MOB3B: variants seen among roughly 807,000 people sequenced by gnomAD.
The protein encoded by MOB3B is MOB kinase activator 3B.
MOB3B carries 7 observed loss-of-function variants against 18.7 expected under a neutral mutation model. The observed-to-expected ratio is 0.37, with a 90% confidence interval of 0.21 to 0.70. The LOEUF (loss-of-function observed/expected upper bound fraction) is 0.70, where lower values mean the gene tolerates loss of function less well. MOB3B is among the 30% of genes least tolerant of loss of function. The probability of loss-of-function intolerance (pLI) is 0.52; values close to 1 mark genes in which losing one functional copy is unlikely to be tolerated. For missense variants in MOB3B, 253 were observed against 281.3 expected, an observed-to-expected ratio of 0.90 and a Z score of 0.72; for synonymous variants, 111 against 99.9, an observed-to-expected ratio of 1.11 and a Z score of -0.66.
At chr9:27,390,041 A>T (rs1438700777) in intron 2 of MOB3B, among the ~76,000 whole-genome samples, 1 of 152,128 alleles carries the variant, frequency 6.6e-6, no homozygotes, top group Admixed American at 6.5e-5. Context: ...CCTAAATCAT[A>T]TTTCAATAGT....
At chr9:27,339,458 A>C (rs1266055681) in intron 3 of MOB3B, among the ~76,000 whole-genome samples, 3 of 152,224 alleles carry the variant, frequency 2.0e-5, no homozygotes, top group Non-Finnish European at 4.4e-5. Context: ...AAGATGGGGC[A>C]GTGATAAGAG....
At chr9:27,345,961 T>A (rs1821025952) in intron 3 of MOB3B, among the ~76,000 whole-genome samples, 1 of 152,124 alleles carries the variant, frequency 6.6e-6, no homozygotes, top group African/African-American at 2.4e-5. Context: ...CCTCAGCAAA[T>A]ACCATGCTAT....
intron 3 of MOB3B, among the ~76,000 whole-genome samples, chr9:27,347,491 G>A (rs891222364): frequency 1.3e-5 from 2 of 152,260 alleles, no homozygotes; most frequent in Non-Finnish European, 2.9e-5. Flanking sequence ...CACAGGTGAG[G>A]TGCCAGGCTT....
At chr9:27,505,961 C>G (rs181097388) in intron 1 of MOB3B, among the ~76,000 whole-genome samples, 104 of 152,338 alleles carry the variant, frequency 6.8e-4, no homozygotes, top group Non-Finnish European at 1.1e-3. Context: ...CACGCATGGG[C>G]TTTTACCTTT....
At chr9:27,396,081 A>T (rs1032179105) in intron 2 of MOB3B, among the ~76,000 whole-genome samples, 9 of 152,110 alleles carry the variant, frequency 5.9e-5, no homozygotes, top group Non-Finnish European at 1.3e-4. Flanking sequence ...GGCTCTAAAA[A>T]TGCTCAAGAA....
chr9:27,469,178 G>A (rs1819434527), intron 1 of MOB3B, among the ~76,000 whole-genome samples: 1 of 152,102 alleles, frequency 6.6e-6, no homozygotes, highest in Non-Finnish European at 1.5e-5. Flanking sequence ...ATGTTGCCCA[G>A]GCTGGTCTTG....
At chr9:27,452,226 A>T (rs984952350) in intron 2 of MOB3B, among the ~76,000 whole-genome samples, 2 of 152,190 alleles carry the variant, frequency 1.3e-5, no homozygotes, top group Non-Finnish European at 2.9e-5. Context: ...CCATCCATCC[A>T]TCCATCCAAT....
intron 2 of MOB3B, among the ~76,000 whole-genome samples, chr9:27,403,867 T>C (rs1821924394): frequency 6.6e-6 from 1 of 152,234 alleles, no homozygotes; most frequent in South Asian, 2.1e-4. Flanking sequence ...GCATACAATG[T>C]GTAATGATCA....
intron 2 of MOB3B, among the ~76,000 whole-genome samples, chr9:27,448,035 T>A (rs1348527006): frequency 6.6e-6 from 1 of 152,110 alleles, no homozygotes; most frequent in African/African-American, 2.4e-5. Flanking sequence ...GGTGGTTTTG[T>A]CTCAAGGCAT....
chr9:27,420,419 T>C (rs191928259), intron 2 of MOB3B, among the ~76,000 whole-genome samples: 54 of 151,530 alleles, frequency 3.6e-4, no homozygotes, highest in African/African-American at 1.3e-3. Flanking sequence ...TGTCCATCGA[T>C]CAACGAGTGG....
intron 1 of MOB3B, among the ~76,000 whole-genome samples, chr9:27,521,793 T>A (rs1820335855): frequency 6.6e-6 from 1 of 152,214 alleles, no homozygotes; most frequent in Non-Finnish European, 1.5e-5. Flanking sequence ...ATCAACTGAT[T>A]GGAACTGAGC....
chr9:27,507,211 G>A (rs1319236), intron 1 of MOB3B, among the ~76,000 whole-genome samples: 99,889 of 151,946 alleles, frequency 0.66, 33,536 homozygotes, highest in Non-Finnish European at 0.71. Flanking sequence ...AAATTCATCC[G>A]TGGTCATACA....
At chr9:27,524,483 T>C (rs1199461677) in intron 1 of MOB3B, 1 of 1,613,928 alleles carries the variant, frequency 6.2e-7, no homozygotes, top group Non-Finnish European at 8.5e-7. Flanking sequence ...GACATCTGAG[T>C]AGTATGAGCA....
Position 27,481,742 on chromosome 9 carries a change from G to T in MOB3B, c.-198-25994C>A, listed in dbSNP as rs993545442. Among the ~76,000 whole-genome samples, 103 of 152,028 alleles carry T rather than the reference G, an allele frequency of 6.8e-4. 1 individual carries two copies. The highest frequency in any genetic ancestry group is 2.5e-3 in the African/African-American group (102 of 41,472). On this transcript the variant is annotated intron_variant, in intron 1 of 3. Coordinates refer to ENST00000262244, the MANE Select transcript of MOB3B (RefSeq NM_024761.5). ...GGGTTTCACTGTGTTAGCCAGGATG[G>T]TCTCGATCTCCTGACCTCATGATCT...
At chr9:27,423,589 C>T (rs1432531750) in intron 2 of MOB3B, among the ~76,000 whole-genome samples, 2 of 152,124 alleles carry the variant, frequency 1.3e-5, no homozygotes, top group Non-Finnish European at 2.9e-5. Context: ...TTATGGTTAT[C>T]TGATTTCTGC....
intron 1 of MOB3B, among the ~76,000 whole-genome samples, chr9:27,495,877 AAAAG>A (rs928862488): frequency 1.3e-5 from 2 of 152,220 alleles, no homozygotes; most frequent in Non-Finnish European, 2.9e-5. Context: ...TGTAACACAC[AAAAG>A]AAAGACCCAG....
At chr9:27,399,059 C>A (rs1457444240) in intron 2 of MOB3B, among the ~76,000 whole-genome samples, 6 of 152,056 alleles carry the variant, frequency 3.9e-5, no homozygotes, top group Non-Finnish European at 7.4e-5. Context: ...AAGTGGAGGT[C>A]AAATAAATTA....
chr9:27,478,592 G>T (rs1264037179), intron 1 of MOB3B, among the ~76,000 whole-genome samples: 1 of 151,988 alleles, frequency 6.6e-6, no homozygotes. Flanking sequence ...TCTGAATGGA[G>T]CAGAGAAAGA....
chr9:27,379,178 GT>G (rs916887072), intron 2 of MOB3B, among the ~76,000 whole-genome samples: 1 of 152,170 alleles, frequency 6.6e-6, no homozygotes, highest in Admixed American at 6.5e-5. Context: ...CTGGTTGCAT[GT>G]TACCATCTCC....
Sources: gnomAD v4.1 joint callset for allele counts (sites outside exome capture counted in the v4.1 genomes callset) on GRCh38, gnomAD v4.1.1 for gene constraint, MANE v1.5 for transcripts, NCBI Gene and HGNC (gene_info 2026-07-23, HGNC 2026-07-21) for gene names.